The following AKNAD1 variants were observed in gnomAD, a reference collection of about 807,000 sequenced individuals.
AKNAD1 encodes protein AKNAD1.
In AKNAD1, 67 loss-of-function variants were observed where a neutral mutation model predicts 90.8. That is an observed-to-expected ratio of 0.74 (90% CI 0.61 to 0.90). AKNAD1 has a LOEUF of 0.90. AKNAD1 is among the 40% of genes least tolerant of loss of function. The pLI is 0.00. For missense variants in AKNAD1, 957 were observed against 975.4 expected, an observed-to-expected ratio of 0.98 and a Z score of 0.25; for synonymous variants, 327 against 341.4, an observed-to-expected ratio of 0.96 and a Z score of 0.46.
At position 108,827,281 on chromosome 1, in the gene AKNAD1, C is replaced by A; in HGVS notation, c.1860G>T (p.Lys620Asn). 1 of 1,610,818 alleles carries A rather than the reference C, an allele frequency of 6.2e-7. No homozygotes were observed. The highest frequency in any genetic ancestry group is 1.7e-5 in the Admixed American group (1 of 59,672). Residue 620 changes from lysine (K) to asparagine (N), a missense_variant, in exon 11 of 16, where the codon AAG (lysine) becomes AAT (asparagine). By Grantham distance (94) the Lys-to-Asn change is moderately conservative (BLOSUM62 0). Transcript: ENST00000370001. ...LLEWKQNVEK[K>N]GHGRINCGRF... is the part of the protein sequence containing the mutation. ...TTCCACAGTTGATCCTTCCGTGGCC[C>A]TTTTTCTCCACGTTTTGCTTCCTAA...
At position 108,827,237 on chromosome 1, in the gene AKNAD1, T is replaced by C. The variant is rs762177802; in HGVS notation, c.1904A>G (p.His635Arg). The C allele has an allele frequency of 2.5e-6, 4 of 1,611,690 alleles. No individual in the cohort carries two copies. In the African/African-American group the frequency reaches 5.3e-5, roughly 22 times the overall value. Reference protein sequence around the residue: ...INCGRFSIVLHEKAPHSDSTP... With the variant: ...INCGRFSIVLREKAPHSDSTP... The stretch of plus-strand genomic sequence containing the variant: ...TGAATCTGAGTGTGGTGCCTTTTCA[T>C]GAAGGACAATTGAAAATCTTCCACA... Residue 635 changes from histidine (H) to arginine (R), a missense_variant, in exon 11 of 16, where the codon CAT (histidine) becomes CGT (arginine). His to Arg is a conservative substitution (Grantham distance 29). Transcript: ENST00000370001.
chr1:108,838,016 C>G (rs1436504599), intron 6 of AKNAD1, among the ~76,000 whole-genome samples: 5 of 151,986 alleles, frequency 3.3e-5, no homozygotes, highest in Non-Finnish European at 7.4e-5. Flanking sequence ...TTTTGAGATC[C>G]CTTACAAGGG....
At chr1:108,834,591 T>C in intron 8 of AKNAD1, 63 bp from the exon 9 acceptor site, 1 of 1,466,788 alleles carries the variant, frequency 6.8e-7, no homozygotes, top group South Asian at 1.2e-5. Context: ...ACCTGGGAGC[T>C]CCACTATTTG....
intron 11 of AKNAD1, among the ~76,000 whole-genome samples, chr1:108,824,309 T>C (rs1663922769): frequency 1.3e-5 from 2 of 152,178 alleles, no homozygotes; most frequent in Admixed American, 6.5e-5. Context: ...CGGGTGAGCA[T>C]GTCAGGACTG....
intron 7 of AKNAD1, chr1:108,836,950 T>G (rs1294025341): frequency 6.6e-6 from 1 of 152,226 alleles, no homozygotes; most frequent in Non-Finnish European, 1.5e-5. Context: ...TGTGCTATTC[T>G]TTATTTTCAG....
chr1:108,838,435 G>C lies in AKNAD1; in HGVS notation c.1380-729C>G, dbSNP rs747887202. On this transcript the variant is annotated intron_variant, in intron 6 of 15. Transcript: ENST00000370001. ...TAACTTACAAGTCAATGACAAATGA[G>C]AGAATAACATAGGAAAACCAATGTA... Among the ~76,000 whole-genome samples, 127 of 151,970 alleles carry C rather than the reference G, an allele frequency of 8.4e-4. 1 individual carries two copies. The highest frequency in any genetic ancestry group is 1.5e-3 in the Non-Finnish European group (102 of 67,980).
intron 14 of AKNAD1, among the ~76,000 whole-genome samples, chr1:108,820,217 G>A (rs1446398519): frequency 6.6e-6 from 1 of 152,150 alleles, no homozygotes; most frequent in African/African-American, 2.4e-5. Flanking sequence ...CAGCTTCCCT[G>A]AGCCCCCAAA....
intron 5 of AKNAD1, among the ~76,000 whole-genome samples, chr1:108,846,618 C>T (rs1026177815): frequency 1.3e-5 from 2 of 152,112 alleles, no homozygotes; most frequent in Non-Finnish European, 2.9e-5. Flanking sequence ...TTCTCCGCCT[C>T]CGCTCCTCCC....
chr1:108,834,976 C>T lies in AKNAD1; in HGVS notation c.1617G>A (p.Gly539=), dbSNP rs1664335661. The change falls in exon 8 of 16, where the codon GGG becomes GGA. Residue 539 remains glycine, a synonymous_variant. Transcript: ENST00000370001. ...GSEVTGTPQG[G]PQEAPNEELC... The stretch of plus-strand genomic sequence containing the variant: ...GCTCCTCGTTGGGGGCCTCCTGCGG[C>T]CCTCCTTGGGGTGTCCCTGTTACCT... 1 of 1,555,150 alleles carries T rather than the reference C, an allele frequency of 6.4e-7. No homozygotes were observed. Among genetic ancestry groups the T allele is most frequent in the East Asian group, 2.5e-5 (1 of 40,672 alleles).
chr1:108,845,430 C>T (rs1347830716), intron 5 of AKNAD1, among the ~76,000 whole-genome samples: 2 of 152,174 alleles, frequency 1.3e-5, no homozygotes, highest in Non-Finnish European at 2.9e-5. Context: ...TCAGCTAGTC[C>T]CACAGTGACA....
intron 11 of AKNAD1, among the ~76,000 whole-genome samples, chr1:108,825,601 T>C (rs1411413080): frequency 1.3e-5 from 2 of 151,508 alleles, no homozygotes; most frequent in Non-Finnish European, 2.9e-5. Context: ...ATACCTGAGG[T>C]GAAAATCCCC....
intron 6 of AKNAD1, among the ~76,000 whole-genome samples, chr1:108,841,683 A>G (rs1311958085): frequency 6.6e-6 from 1 of 152,130 alleles, no homozygotes; most frequent in Non-Finnish European, 1.5e-5. Context: ...TGGACTCAAC[A>G]CTTATAAGGT....
intron 1 of AKNAD1, among the ~76,000 whole-genome samples, chr1:108,856,691 G>A (rs1208075449): frequency 6.7e-6 from 1 of 148,292 alleles, no homozygotes; most frequent in Non-Finnish European, 1.5e-5. Flanking sequence ...GGGTGACAGA[G>A]CAAGACCCTG....
chr1:108,856,754 A>G (rs2101229845), intron 1 of AKNAD1, among the ~76,000 whole-genome samples, 175 bp downstream of exon 1: 1 of 152,162 alleles, frequency 6.6e-6, no homozygotes, highest in East Asian at 1.9e-4. Flanking sequence ...AAACACACAC[A>G]CAGACAAAGA....
chr1:108,820,014 G>C (rs1663762080), intron 14 of AKNAD1, among the ~76,000 whole-genome samples: 1 of 151,206 alleles, frequency 6.6e-6, no homozygotes. Context: ...GTACGGTCTG[G>C]CCCTGACAAT....
chr1:108,850,642 AAG>A (rs1491578416), intron 2 of AKNAD1, among the ~76,000 whole-genome samples: 58 of 142,626 alleles, frequency 4.1e-4, no homozygotes, highest in African/African-American at 1.1e-3. Context: ...AATTAAAAAA[AAG>A]AGAGAGAGAG....
intron 9 of AKNAD1, among the ~76,000 whole-genome samples, chr1:108,832,005 T>C (rs1226564449): frequency 6.6e-6 from 1 of 152,050 alleles, no homozygotes; most frequent in Non-Finnish European, 1.5e-5. Flanking sequence ...AGTGTTTTCC[T>C]GTTACCATTT....
At chr1:108,824,434 C>T (rs564404652) in intron 11 of AKNAD1, among the ~76,000 whole-genome samples, 2 of 151,880 alleles carry the variant, frequency 1.3e-5, no homozygotes, top group Non-Finnish European at 2.9e-5. Flanking sequence ...AAAGTGAAGT[C>T]ATCCCTGGCT....
Position 108,843,144 on chromosome 1 carries a change from C to G in AKNAD1, c.1369G>C (p.Asp457His). Residue 457 changes from aspartate (D) to histidine (H), a missense_variant, in exon 6 of 16, where the codon GAT (aspartate) becomes CAT (histidine). Asp to His is a moderately conservative substitution (Grantham distance 81, BLOSUM62 -1). Coordinates refer to ENST00000370001, the MANE Select transcript of AKNAD1 (RefSeq NM_152763.5). ...KHESTIVGDF[D>H]PERKVEGEIF... The stretch of plus-strand genomic sequence containing the variant: ...TGGTTTAAATCTGACCTTTCTGGAT[C>G]AAAGTCACCAACGATTGTTGATTCG... The G allele has an allele frequency of 6.2e-7, 1 of 1,614,028 alleles. No homozygotes were observed. The highest frequency in any genetic ancestry group is 8.5e-7 in the Non-Finnish European group (1 of 1,179,976).
Sources: allele counts gnomAD v4.1 joint callset (sites outside exome capture counted in the v4.1 genomes callset), GRCh38; gene constraint gnomAD v4.1.1; transcripts MANE v1.5; gene names NCBI Gene and HGNC (gene_info 2026-07-23, HGNC 2026-07-21).